Variants in SUOX observed in about 807,000 individuals in gnomAD.
SUOX encodes sulfite oxidase.
A neutral mutation model predicts 41.9 loss-of-function variants in SUOX; 39 were observed. That is an observed-to-expected ratio of 0.93 (90% CI 0.72 to 1.21). SUOX has a LOEUF of 1.21. SUOX is among the 50% of genes most tolerant of loss of function. The pLI, the probability that SUOX is intolerant of heterozygous loss-of-function variation, is 0.00. For synonymous variants in SUOX, 220 were observed against 268.4 expected (o/e 0.82, Z 1.76); for missense variants, 633 against 689.5 (o/e 0.92, Z 0.92).
chr12:56,005,022 C>T lies in SUOX; in HGVS notation c.1633C>T (p.Pro545Ser). Residue 545 changes from proline to serine, a missense_variant, in exon 5 of 5, where the codon CCA becomes TCA. Physicochemically the swap from Pro to Ser is moderately conservative, Grantham distance 74. Transcript: ENST00000266971. Reference protein sequence around the residue: ...AWHRVHVYVSP With the variant: ...AWHRVHVYVSS ...GCATCGTGTCCATGTCTATGTCTCC[C>T]CATGAGCATGGAAAGGAGCCACCTC... 1.2e-6 allele frequency: 2 copies of T among 1,611,244 alleles called. No homozygotes were observed. The highest frequency in any genetic ancestry group is 1.7e-6 in the Non-Finnish European group (2 of 1,180,016).
chr12:55,997,509 CA>C (rs1890350404), intron 1 of SUOX, 105 bp from the exon 2 acceptor site: 3 of 152,440 alleles, frequency 2.0e-5, no homozygotes, highest in Middle Eastern at 3.4e-3. Context: ...GGTGTTGCCG[CA>C]AGACCCTTTT....
chr12:56,003,867 C>T lies in SUOX; in HGVS notation c.478C>T (p.Leu160=). The part of the protein sequence containing the change: ...ELLAQYKIGE[L]NPEDKVAPTV... ...ACTGGCTCAGTACAAGATTGGGGAGCTGAATCCTGAAGACAAGGTAGCCCC... is the reference window on the plus strand; with the variant it reads ...ACTGGCTCAGTACAAGATTGGGGAGTTGAATCCTGAAGACAAGGTAGCCCC... The change falls in exon 5 of 5, where the codon CTG becomes TTG. Residue 160 remains leucine, a synonymous_variant. Coordinates refer to ENST00000266971, the MANE Select transcript of SUOX (RefSeq NM_001032386.2). 1.2e-6 allele frequency: 2 copies of T among 1,614,122 alleles called. No homozygotes were observed. The highest frequency in any genetic ancestry group is 1.7e-6 in the Non-Finnish European group (2 of 1,180,016).
intron 2 of SUOX, among the ~76,000 whole-genome samples, chr12:56,001,151 G>A (rs1592823948): frequency 9.3e-6 from 1 of 107,412 alleles, no homozygotes; most frequent in East Asian, 3.1e-4. Flanking sequence ...TTGAGATGGA[G>A]TCTCTCTCTG....
intron 2 of SUOX, among the ~76,000 whole-genome samples, chr12:55,998,599 C>T (rs1890398079): frequency 6.6e-6 from 1 of 152,058 alleles, no homozygotes; most frequent in Non-Finnish European, 1.5e-5. Flanking sequence ...AATCCCAGCA[C>T]TTTGGGGGCT....
chr12:56,002,340 C>A, intron 3 of SUOX, 69 bp downstream of exon 3: 1 of 1,566,262 alleles, frequency 6.4e-7, no homozygotes, highest in South Asian at 1.1e-5. Context: ...TTTACAATGT[C>A]ATACCTTGCA....
intron 2 of SUOX, among the ~76,000 whole-genome samples, chr12:55,998,739 T>C (rs1368693757): frequency 6.6e-6 from 1 of 151,562 alleles, no homozygotes; most frequent in Non-Finnish European, 1.5e-5. Flanking sequence ...GGCAGGAGGA[T>C]GGCTTGAGCC....
chr12:55,998,463 C>T (rs1286565239), intron 2 of SUOX, among the ~76,000 whole-genome samples: 1 of 151,846 alleles, frequency 6.6e-6, no homozygotes, highest in African/African-American at 2.4e-5. Context: ...AGGAGGATGG[C>T]TTGAGCCCAG....
intron 2 of SUOX, among the ~76,000 whole-genome samples, chr12:55,998,846 T>G (rs1044738425): frequency 1.3e-5 from 2 of 151,736 alleles, no homozygotes; most frequent in Non-Finnish European, 2.9e-5. Context: ...TTGCCCAGGC[T>G]GGAGTACGGT....
In SUOX at chr12:56,003,841, T is replaced by A; in HGVS notation, c.452T>A (p.Leu151Ter). The change falls in exon 5 of 5, where the codon TTA becomes TAA. Residue 151 changes from leucine (L) to a stop codon, truncating the protein, a stop_gained. Transcript: ENST00000266971. LOFTEE classifies it high-confidence loss of function. ...AVHNQSHVRE[L>*]LAQYKIGELN... is the part of the protein sequence containing the mutation. ...CACAACCAGTCCCATGTGCGTGAGTTACTGGCTCAGTACAAGATTGGGGAG... is the reference window on the plus strand; with the variant it reads ...CACAACCAGTCCCATGTGCGTGAGTAACTGGCTCAGTACAAGATTGGGGAG... The A allele has an allele frequency of 4.3e-6, 7 of 1,614,136 alleles. No homozygotes were observed. Among genetic ancestry groups the A allele is most frequent in the Non-Finnish European group, 5.9e-6 (7 of 1,180,016 alleles).
chr12:56,004,493 G>C lies in SUOX; in HGVS notation c.1104G>C (p.Val368=). 6.2e-7 allele frequency: 1 copy of C among 1,614,214 alleles called. No homozygotes were observed. The highest frequency in any genetic ancestry group is 8.5e-7 in the Non-Finnish European group (1 of 1,180,044). ...ACCACGGCTTCCCTGTGCGTGTGGT[G>C]GTTCCTGGAGTGGTGGGTGCCCGCC... The part of the protein sequence containing the change: ...PRDHGFPVRV[V]VPGVVGARHV... Residue 368 remains valine (V), a synonymous_variant, in exon 5 of 5, where the codon GTG becomes GTC. Coordinates refer to ENST00000266971, the MANE Select transcript of SUOX (RefSeq NM_001032386.2). The surrounding 1 kb of genome is among the most constrained non-coding windows in gnomAD (Gnocchi z 4.5).
At chr12:56,000,321 G>A (rs1565795799) in intron 2 of SUOX, among the ~76,000 whole-genome samples, 1 of 152,232 alleles carries the variant, frequency 6.6e-6, no homozygotes, top group Non-Finnish European at 1.5e-5. Context: ...GCGAGAAATC[G>A]AGCGCAGCGC....
At chr12:56,001,813 T>C (rs1052713440) in intron 2 of SUOX, 17 of 640,920 alleles carry the variant, frequency 2.7e-5, no homozygotes, top group African/African-American at 3.9e-5. Flanking sequence ...TAAGTCAGTC[T>C]GACCCACAGT....
In SUOX at chr12:56,001,512, G is replaced by C. The variant is rs1484151832; in HGVS notation, c.-10-700G>C. The C allele has an allele frequency of 1.9e-5, 3 of 154,120 alleles. No homozygotes were observed. In the East Asian group the frequency reaches 5.8e-4, roughly 30 times the overall value. The allele number at this position is 154,120 out of a possible 1,614,324, so 9.5% of individuals were successfully genotyped here. A position where few individuals can be genotyped will look rare whatever the true frequency, so the allele number is the denominator to read the frequency against. Reference sequence around the variant, plus strand: ...GGGAAAAAACAGTAATATAGGGTTTGGTGCAATCTGTGGTTTCAAACATCT... The same window carrying C: ...GGGAAAAAACAGTAATATAGGGTTTCGTGCAATCTGTGGTTTCAAACATCT... On this transcript the variant is annotated intron_variant, in intron 2 of 4. Coordinates refer to ENST00000266971, the MANE Select transcript of SUOX (RefSeq NM_001032386.2).
intron 2 of SUOX, among the ~76,000 whole-genome samples, chr12:55,998,029 C>G (rs1890370278): frequency 6.6e-6 from 1 of 152,162 alleles, no homozygotes; most frequent in African/African-American, 2.4e-5. Flanking sequence ...GAGCTCACTA[C>G]AGTGGCACAG....
chr12:55,997,330 A>T lies in SUOX; in HGVS notation c.-129A>T, dbSNP rs1352495624. ...CTGGTAAAATTGCAGTGCTGAAGAC[A>T]CTGGACCCGGTAAGGAGACTGGGGG... On this transcript the variant is annotated 5_prime_UTR_variant, in exon 1 of 5. Coordinates refer to ENST00000266971, the MANE Select transcript of SUOX (RefSeq NM_001032386.2). 6.6e-6 allele frequency: 1 copy of T among 152,368 alleles called. No homozygotes were observed. Among genetic ancestry groups the T allele is most frequent in the Non-Finnish European group, 1.5e-5 (1 of 68,196 alleles). The allele number at this position is 152,368 out of a possible 1,614,324, so 9.4% of individuals were successfully genotyped here.
At position 56,004,709 on chromosome 12, in the gene SUOX, A is replaced by C. The variant is rs768861479; in HGVS notation, c.1320A>C (p.Ser440=). The change falls in exon 5 of 5, where the codon TCA becomes TCC. Residue 440 remains serine (S), a synonymous_variant. Coordinates refer to ENST00000266971, the MANE Select transcript of SUOX (RefSeq NM_001032386.2). The surrounding 1 kb of genome is among the most constrained non-coding windows in gnomAD (Gnocchi z 4.5). ...CCCGGGATGGAGAGACTGTAGAATC[A>C]GGGGAGGTGACCATCAAGGGCTATG... ...TEPRDGETVE[S]GEVTIKGYAW... is the part of the protein sequence containing the mutation. The C allele has an allele frequency of 2.5e-6, 4 of 1,614,024 alleles. No homozygotes were observed. The Admixed American group carries it at 6.7e-5, about 27-fold the overall frequency.
Position 56,004,610 on chromosome 12 carries a change from G to A in SUOX, c.1221G>A (p.Val407=). Residue 407 remains valine, a synonymous_variant, in exon 5 of 5, where the codon GTG becomes GTA. Transcript: ENST00000266971. The surrounding 1 kb of genome is among the most constrained non-coding windows in gnomAD (Gnocchi z 4.5). The stretch of plus-strand genomic sequence containing the variant: ...ATTACAAAGGCTTCTCTCCATCTGT[G>A]GACTGGGAGACTGTAGATTTTGACT... ...RRDYKGFSPS[V]DWETVDFDSA... 1 of 1,614,170 alleles carries A rather than the reference G, an allele frequency of 6.2e-7. No homozygotes were observed. Among genetic ancestry groups the A allele is most frequent in the Non-Finnish European group, 8.5e-7 (1 of 1,180,042 alleles).
intron 2 of SUOX, among the ~76,000 whole-genome samples, chr12:55,998,153 G>A (rs931906164): frequency 6.6e-6 from 1 of 152,112 alleles, no homozygotes; most frequent in Non-Finnish European, 1.5e-5. Context: ...CAAAGACAAT[G>A]TTATTACAGC....
chr12:56,001,841 A>G (rs1262100577), intron 2 of SUOX: 3 of 965,082 alleles, frequency 3.1e-6, no homozygotes, highest in Non-Finnish European at 3.9e-6. Context: ...TGCTGACTTC[A>G]GAAATAATAA....
Sources: gnomAD v4.1 joint callset for allele counts (sites outside exome capture counted in the v4.1 genomes callset) on GRCh38, gnomAD v4.1.1 for gene constraint, Gnocchi (gnomAD v3.1) non-coding constraint, MANE v1.5 for transcripts, NCBI Gene and HGNC (gene_info 2026-07-23, HGNC 2026-07-21) for gene names.